The following AGBL4 variants were observed in gnomAD, a reference collection of about 807,000 sequenced individuals.
AGBL4 encodes the protein AGBL carboxypeptidase 4.
A neutral mutation model predicts 66.4 loss-of-function variants in AGBL4; 58 were observed. That is an observed-to-expected ratio of 0.87 (90% confidence interval 0.71 to 1.09). AGBL4 has a LOEUF of 1.09. Ranked by LOEUF, AGBL4 falls within the 50% of genes least tolerant of loss-of-function variation. The pLI, the probability that AGBL4 is intolerant of heterozygous loss-of-function variation, is 0.00. For missense variants in AGBL4, 579 were observed against 631.0 expected (o/e 0.92, Z 0.88); for synonymous variants, 234 against 222.9 (o/e 1.05, Z -0.44).
chr1:48,532,146 T>G (rs2148247761), downstream of AGBL4, among the ~76,000 whole-genome samples: 1 of 152,284 alleles, frequency 6.6e-6, no homozygotes, highest in South Asian at 2.1e-4. Flanking sequence ...GGGGAAGGAT[T>G]TGCAGATACC....
chr1:48,724,236 TA>T (rs1389778444), intron 6 of AGBL4, among the ~76,000 whole-genome samples: 1 of 152,192 alleles, frequency 6.6e-6, no homozygotes, highest in Non-Finnish European at 1.5e-5. Context: ...ACCCCATAAC[TA>T]GACCTTATTT....
At chr1:49,615,085 G>T (rs1645226025) in intron 3 of AGBL4, among the ~76,000 whole-genome samples, 1 of 152,042 alleles carries the variant, frequency 6.6e-6, no homozygotes, top group Non-Finnish European at 1.5e-5. Context: ...TAGCACTTCT[G>T]GGGTTAACAG....
chr1:48,634,444 C>T, intron 9 of AGBL4, 49 bp downstream of exon 9: 3 of 1,460,586 alleles, frequency 2.1e-6, no homozygotes, highest in Non-Finnish European at 2.8e-6. Flanking sequence ...CTGCCCTTTC[C>T]CAGATCAAGC....
intron 4 of AGBL4, among the ~76,000 whole-genome samples, chr1:49,143,838 T>C (rs1190707715): frequency 6.6e-6 from 1 of 152,200 alleles, no homozygotes; most frequent in Admixed American, 6.5e-5. Flanking sequence ...CCCTAACATA[T>C]CATTTTCCCA....
At chr1:49,097,174 C>A (rs1423265328) in intron 4 of AGBL4, among the ~76,000 whole-genome samples, 1 of 152,046 alleles carries the variant, frequency 6.6e-6, no homozygotes, top group Non-Finnish European at 1.5e-5. Flanking sequence ...TCCTGTATAC[C>A]CAACAGAACT....
In AGBL4 at chr1:48,685,493, C is replaced by A. The variant is rs147230499; in HGVS notation, c.635-22252G>T. Among the ~76,000 whole-genome samples the A allele has an allele frequency of 5.3e-3, 802 of 152,274 alleles. 5 individuals carry two copies. The highest frequency in any genetic ancestry group is 0.017 in the Middle Eastern group (5 of 294). On this transcript the variant is annotated intron_variant, in intron 6 of 13. Transcript: ENST00000371839. ...CAGGAAGCCTTGTCAGAACAAGATG[C>A]CTTGGGCTCCATGTGGGCAGGCGGG...
At chr1:48,570,831 G>A (rs939962106) in intron 11 of AGBL4, among the ~76,000 whole-genome samples, 6 of 152,178 alleles carry the variant, frequency 3.9e-5, no homozygotes, top group Non-Finnish European at 7.3e-5. Flanking sequence ...GTGCGTATAA[G>A]TAGGGGTCGA....
chr1:49,885,904 G>A (rs1647983981), intron 1 of AGBL4, among the ~76,000 whole-genome samples: 1 of 152,116 alleles, frequency 6.6e-6, no homozygotes, highest in Non-Finnish European at 1.5e-5. Flanking sequence ...GTGGACCTAA[G>A]GCTGAATACT....
At chr1:49,943,141 T>A (rs1654918176) in intron 1 of AGBL4, among the ~76,000 whole-genome samples, 1 of 152,022 alleles carries the variant, frequency 6.6e-6, no homozygotes, top group African/African-American at 2.4e-5. Flanking sequence ...GTTAGAATGG[T>A]TATGAGCAAA....
chr1:49,466,126 G>A (rs868000286), intron 3 of AGBL4, among the ~76,000 whole-genome samples: 6 of 151,832 alleles, frequency 4.0e-5, no homozygotes, highest in Admixed American at 2.0e-4. Flanking sequence ...GCTTTCCAAT[G>A]ATCTGGCTGT....
At chr1:49,329,379 A>G (rs1457964452) in intron 3 of AGBL4, among the ~76,000 whole-genome samples, 1 of 151,170 alleles carries the variant, frequency 6.6e-6, no homozygotes, top group African/African-American at 2.4e-5. Flanking sequence ...AATAAAATAA[A>G]AATGTGCCGG....
intron 1 of AGBL4, among the ~76,000 whole-genome samples, chr1:49,975,596 G>C (rs557469544): frequency 2.6e-5 from 4 of 152,104 alleles, no homozygotes; most frequent in South Asian, 4.1e-4. Flanking sequence ...GCACGCTCCT[G>C]TCTTACCACT....
intron 1 of AGBL4, among the ~76,000 whole-genome samples, chr1:49,908,730 C>T (rs1421232095): frequency 1.3e-5 from 2 of 152,056 alleles, no homozygotes; most frequent in Admixed American, 6.6e-5. Flanking sequence ...GAGGTCAAGA[C>T]CAGCCTGGGT....
At chr1:49,987,251 T>C (rs1399416501) in intron 1 of AGBL4, among the ~76,000 whole-genome samples, 1 of 152,058 alleles carries the variant, frequency 6.6e-6, no homozygotes, top group Non-Finnish European at 1.5e-5. Flanking sequence ...GTCTCAATCA[T>C]AAGAGTTTTG....
At chr1:49,944,426 AGACCTGCTGGTT>A (rs1655036484) in intron 1 of AGBL4, among the ~76,000 whole-genome samples, 1 of 152,132 alleles carries the variant, frequency 6.6e-6, no homozygotes, top group Non-Finnish European at 1.5e-5. Flanking sequence ...TAGACCTGGT[AGACCTGCTGGTT>A]GCCTAGATCA....
intron 4 of AGBL4, among the ~76,000 whole-genome samples, chr1:49,070,987 C>T (rs527607544): frequency 3.3e-5 from 5 of 151,944 alleles, no homozygotes; most frequent in Non-Finnish European, 7.4e-5. Context: ...TGTAAGCATC[C>T]AGGAATTTAT....
At chr1:49,828,465 A>T (rs981236834) in intron 2 of AGBL4, among the ~76,000 whole-genome samples, 4 of 152,162 alleles carry the variant, frequency 2.6e-5, no homozygotes, top group Non-Finnish European at 5.9e-5. Flanking sequence ...AGAAAAAAAA[A>T]TTTGGCTGAA....
At chr1:48,581,644 T>A (rs1197561530) in intron 11 of AGBL4, among the ~76,000 whole-genome samples, 1 of 152,178 alleles carries the variant, frequency 6.6e-6, no homozygotes, top group Non-Finnish European at 1.5e-5. Context: ...GGTTCAAAAT[T>A]CGTAGGAATT....
intron 5 of AGBL4, among the ~76,000 whole-genome samples, chr1:48,918,597 G>A (rs951063620): frequency 2.2e-4 from 34 of 152,146 alleles, no homozygotes; most frequent in African/African-American, 7.7e-4. Flanking sequence ...GGACCCCAGA[G>A]AGCTAGCTAG....
Sources: allele counts gnomAD v4.1 joint callset (sites outside exome capture counted in the v4.1 genomes callset), GRCh38; gene constraint gnomAD v4.1.1; transcripts MANE v1.5; gene names NCBI Gene and HGNC (gene_info 2026-07-23, HGNC 2026-07-21).